Variants in WDR7 observed in about 807,000 individuals in gnomAD.
WDR7 encodes WD repeat domain 7.
WDR7 carries 46 observed loss-of-function variants against 169.4 expected under a neutral mutation model. That is an observed-to-expected ratio of 0.27 (90% CI 0.21 to 0.35). The LOEUF is 0.35. WDR7 is among the 10% of genes least tolerant of loss of function. The pLI is 1.00. For synonymous variants in WDR7, 612 were observed against 666.8 expected (o/e 0.92, Z 1.27); for missense variants, 1,534 against 1,859.3 (o/e 0.83, Z 3.22).
intron 20 of WDR7, among the ~76,000 whole-genome samples, chr18:56,861,764 A>G (rs1193528816): frequency 6.6e-6 from 1 of 152,182 alleles, no homozygotes; most frequent in African/African-American, 2.4e-5. Context: ...ATAGTTTAAG[A>G]AAAATAAGTA....
rs550244947 is a variant in WDR7, at chr18:56,779,314, G to T, written c.2948-117G>T. On this transcript the variant is annotated intron_variant, in intron 17 of 27. Transcript: ENST00000254442. ...GTCTACTATTAAATTGAAATCATTT[G>T]TAATATAACTTAGCAGATCTGCCTT... The T allele has an allele frequency of 2.6e-5, 17 of 644,582 alleles. No homozygotes were observed. The South Asian group carries it at 4.9e-4, about 19-fold the overall frequency. The allele number at this position is 644,582 out of a possible 1,614,324, so 39.9% of individuals were successfully genotyped here. A position where few individuals can be genotyped will look rare whatever the true frequency, so the allele number is the denominator to read the frequency against.
chr18:56,823,581 G>A lies in WDR7; in HGVS notation c.3304+7437G>A, dbSNP rs564594706. Among the ~76,000 whole-genome samples the A allele has an allele frequency of 5.9e-5, 9 of 152,098 alleles. No individual in the cohort carries two copies. In the East Asian group the frequency reaches 9.7e-4, roughly 16 times the overall value. ...AGCCTGGGCGACAGAGCAAGACTCC[G>A]TCTCTCAAACAAACAAAAAAACAAA... is the stretch of plus-strand genomic sequence containing the variant. On this transcript the variant is annotated intron_variant, in intron 20 of 27. Transcript: ENST00000254442.
intron 25 of WDR7, among the ~76,000 whole-genome samples, chr18:56,959,896 C>G (rs1456216258): frequency 6.6e-6 from 1 of 152,102 alleles, no homozygotes; most frequent in Non-Finnish European, 1.5e-5. Flanking sequence ...AAGAGCAGAC[C>G]AGGAGGATGG....
At chr18:56,861,187 A>G (rs546635032) in intron 20 of WDR7, among the ~76,000 whole-genome samples, 1 of 152,230 alleles carries the variant, frequency 6.6e-6, no homozygotes, top group South Asian at 2.1e-4. Context: ...CTAAGATTCA[A>G]TAGGCCAATT....
At chr18:56,746,371 A>G (rs768454655) in intron 14 of WDR7, among the ~76,000 whole-genome samples, 1 of 152,228 alleles carries the variant, frequency 6.6e-6, no homozygotes, top group East Asian at 1.9e-4. Context: ...ATAGATGGGT[A>G]GAAAGGACGG....
In WDR7 at chr18:56,983,437, T is replaced by A. The variant is rs116472423; in HGVS notation, c.4164+20908T>A. Among the ~76,000 whole-genome samples, 369 of 152,298 alleles carry A rather than the reference T, an allele frequency of 2.4e-3. 1 individual carries two copies. Among genetic ancestry groups the A allele is most frequent in the African/African-American group, 8.6e-3 (359 of 41,572 alleles). The stretch of plus-strand genomic sequence containing the variant: ...TAACTTTTCAAAAATGGAAACCTGC[T>A]TCTAACTATATTGCACCAGCCTACC... On this transcript the variant is annotated intron_variant, in intron 26 of 27. Transcript: ENST00000254442.
At chr18:56,686,062 C>T (rs922806675) in intron 6 of WDR7, 30 bp downstream of exon 6, 2 of 1,560,148 alleles carry the variant, frequency 1.3e-6, no homozygotes, top group Non-Finnish European at 1.7e-6. Context: ...GGTGATTTCT[C>T]TGTTTTTATT....
At chr18:56,711,585 A>G (rs1403011745) in intron 12 of WDR7, among the ~76,000 whole-genome samples, 6 of 152,112 alleles carry the variant, frequency 3.9e-5, no homozygotes, top group Non-Finnish European at 5.9e-5. Context: ...CATTAAAACT[A>G]GTCCTTAAAA....
At chr18:56,968,051 C>T (rs886985414) in intron 26 of WDR7, among the ~76,000 whole-genome samples, 6 of 151,566 alleles carry the variant, frequency 4.0e-5, no homozygotes, top group Admixed American at 6.6e-5. Flanking sequence ...CACTTGGAGG[C>T]GTCATCCACT....
chr18:56,729,557 A>G (rs1452010457), intron 13 of WDR7, among the ~76,000 whole-genome samples: 1 of 152,052 alleles, frequency 6.6e-6, no homozygotes. Context: ...TATATATAGC[A>G]GAGCATGCTT....
Position 56,938,548 on chromosome 18 carries a change from G to A in WDR7, c.3847G>A (p.Ala1283Thr). 6.2e-7 allele frequency: 1 copy of A among 1,613,886 alleles called. No individual in the cohort carries two copies. Among genetic ancestry groups the A allele is most frequent in the Non-Finnish European group, 8.5e-7 (1 of 1,179,866 alleles). The change falls in exon 24 of 28, where the codon GCT becomes ACT. Residue 1283 changes from alanine (A) to threonine (T), a missense_variant. Ala to Thr is a moderately conservative substitution (Grantham distance 58). Coordinates refer to ENST00000254442, the MANE Select transcript of WDR7 (RefSeq NM_015285.3). ...TIAKEVHRHTALAANTQSQQN... is the reference protein window; with the variant it reads ...TIAKEVHRHTTLAANTQSQQN... ...TGTTTTGTAGGTACACAGACATACG[G>A]CTCTTGCAGCAAATACCCAATCACA...
At chr18:56,921,223 TTAGAGA>T (rs2046714415) in intron 21 of WDR7, among the ~76,000 whole-genome samples, 2 of 152,214 alleles carry the variant, frequency 1.3e-5, no homozygotes, top group African/African-American at 2.4e-5. Flanking sequence ...GGAAAAGTTG[TTAGAGA>T]TAGACAGGGA....
At position 56,757,322 on chromosome 18, in the gene WDR7, T is replaced by C. The variant is rs1000461260; in HGVS notation, c.2729T>C (p.Ile910Thr). 1.2e-6 allele frequency: 2 copies of C among 1,610,842 alleles called. No individual in the cohort carries two copies. Among genetic ancestry groups the C allele is most frequent in the East Asian group, 2.2e-5 (1 of 44,800 alleles). The change falls in exon 15 of 28, where the codon ATT (isoleucine) becomes ACT (threonine). Residue 910 changes from isoleucine (I) to threonine (T), a missense_variant. Physicochemically the swap from Ile to Thr is moderately conservative, Grantham distance 89 (BLOSUM62 -1). Transcript: ENST00000254442. The stretch of plus-strand genomic sequence containing the variant: ...ATGAGTATGACCAATGCAACTTTTA[T>C]TGGTGATCATATGAAGAAGGGTCCT... The part of the protein sequence containing the change: ...TLMSMTNATF[I>T]GDHMKKGPTR...
At chr18:57,018,765 G>A (rs528037929) in intron 26 of WDR7, among the ~76,000 whole-genome samples, 2 of 152,294 alleles carry the variant, frequency 1.3e-5, no homozygotes, top group East Asian at 3.9e-4. Flanking sequence ...ACTATAAAGT[G>A]TCCTCAGATT....
Position 56,859,696 on chromosome 18 carries a change from A to G in WDR7, c.3305-20248A>G, listed in dbSNP as rs988081681. On this transcript the variant is annotated intron_variant, in intron 20 of 27. Coordinates refer to ENST00000254442, the MANE Select transcript of WDR7 (RefSeq NM_015285.3). ...TTCGAACACCTTGTGTCTTGTATAAATATATAAAATACACAAATATAAAAT... is the reference window on the plus strand; with the variant it reads ...TTCGAACACCTTGTGTCTTGTATAAGTATATAAAATACACAAATATAAAAT... Among the ~76,000 whole-genome samples the G allele has an allele frequency of 3.3e-5, 5 of 152,340 alleles. No individual in the cohort carries two copies. In the East Asian group the frequency reaches 9.6e-4, roughly 29 times the overall value.
rs189355021 is a variant in WDR7 at position 57,024,519 on chromosome 18, A to G, written c.4270-2485A>G. Among the ~76,000 whole-genome samples, 107 of 145,524 alleles carry G rather than the reference A, an allele frequency of 7.4e-4. 1 individual carries two copies. The highest frequency in any genetic ancestry group is 2.6e-3 in the African/African-American group (102 of 38,586). On this transcript the variant is annotated intron_variant, in intron 27 of 27. Transcript: ENST00000254442. ...TGTTATGTCCCTTACAGGATTTCAC[A>G]TATCCCTATTCTCAGACAGGAATAG...
chr18:56,976,071 G>A (rs567168239), intron 26 of WDR7, among the ~76,000 whole-genome samples: 14 of 152,042 alleles, frequency 9.2e-5, no homozygotes, highest in Non-Finnish European at 2.1e-4. Flanking sequence ...TGTCCACACC[G>A]TTGAGGTTGA....
At chr18:56,682,991 G>T (rs2025379118) in intron 5 of WDR7, 138 bp downstream of exon 5, 3 of 936,254 alleles carry the variant, frequency 3.2e-6, no homozygotes, top group African/African-American at 1.7e-5. Flanking sequence ...AATAATTTAT[G>T]GTCTGTTTCT....
At chr18:57,033,453 T>C (rs990042173), downstream of WDR7, 1 of 152,228 alleles carries the variant, frequency 6.6e-6, no homozygotes, top group Non-Finnish European at 1.5e-5. Flanking sequence ...TTTGCAGCCA[T>C]TATTGCAATA....
Sources: gnomAD v4.1 joint callset for allele counts (sites outside exome capture counted in the v4.1 genomes callset) on GRCh38, gnomAD v4.1.1 for gene constraint, MANE v1.5 for transcripts, NCBI Gene and HGNC (gene_info 2026-07-23, HGNC 2026-07-21) for gene names.